The following MIS18A variants were observed in gnomAD, a reference collection of about 807,000 sequenced individuals.
MIS18A encodes protein Mis18-alpha.
In MIS18A, 14 loss-of-function variants were observed where a neutral mutation model predicts 25.0. The observed-to-expected ratio is 0.56, with a 90% CI of 0.37 to 0.88. The LOEUF is 0.88. MIS18A is among the 40% of genes least tolerant of loss of function. The pLI, the probability that MIS18A is intolerant of heterozygous loss-of-function variation, is 0.00. For missense variants in MIS18A, 292 were observed against 290.8 expected, an observed-to-expected ratio of 1.00 and a Z score of -0.03; for synonymous variants, 134 against 118.6, an observed-to-expected ratio of 1.13 and a Z score of -0.84.
the MIS18A span, among the ~76,000 whole-genome samples, chr21:32,174,210 G>A: frequency 4.6e-5 from 7 of 151,946 alleles, no homozygotes; most frequent in East Asian, 3.9e-4. Flanking sequence ...TGATCCGCCC[G>A]CCTCAGCCTC....
At chr21:32,213,526 C>T in the MIS18A span, among the ~76,000 whole-genome samples, 2 of 152,202 alleles carry the variant, frequency 1.3e-5, no homozygotes, top group East Asian at 1.9e-4. Context: ...AACTACAGTT[C>T]CTTCTAGGGA....
the MIS18A span, among the ~76,000 whole-genome samples, chr21:32,162,935 T>G: frequency 1.6e-4 from 25 of 152,246 alleles, no homozygotes; most frequent in South Asian, 5.2e-3. Context: ...CCAAGGACCT[T>G]AGAGTGAAGA....
chr21:32,182,510 A>G, the MIS18A span, among the ~76,000 whole-genome samples: 1 of 152,176 alleles, frequency 6.6e-6, no homozygotes, highest in Non-Finnish European at 1.5e-5. Context: ...TGCTCTGTAG[A>G]CAATATCCAT....
At chr21:32,178,324 T>C in the MIS18A span, among the ~76,000 whole-genome samples, 1 of 152,220 alleles carries the variant, frequency 6.6e-6, no homozygotes, top group African/African-American at 2.4e-5. Flanking sequence ...TAGAAGAAAT[T>C]AGACATTATT....
the MIS18A span, among the ~76,000 whole-genome samples, chr21:32,169,982 T>C: frequency 6.6e-6 from 1 of 151,832 alleles, no homozygotes; most frequent in Non-Finnish European, 1.5e-5. Flanking sequence ...TGAAAATAAA[T>C]AGGAAAATAT....
chr21:32,170,012 CA>C, the MIS18A span, among the ~76,000 whole-genome samples: 6,334 of 152,108 alleles, frequency 0.042, 428 homozygotes, highest in African/African-American at 0.14. Context: ...ATAGGAAAAA[CA>C]GTCAACAGAA....
At chr21:32,213,173 C>A in the MIS18A span, among the ~76,000 whole-genome samples, 1 of 152,100 alleles carries the variant, frequency 6.6e-6, no homozygotes, top group Non-Finnish European at 1.5e-5. Flanking sequence ...GGGGTTTAAT[C>A]CTGTAGATAG....
the MIS18A span, among the ~76,000 whole-genome samples, chr21:32,238,395 G>C: frequency 1.3e-5 from 2 of 152,132 alleles, no homozygotes; most frequent in African/African-American, 4.8e-5. Context: ...TTTAATGTGA[G>C]GCCTCCCCAT....
At chr21:32,231,842 G>A in the MIS18A span, among the ~76,000 whole-genome samples, 4 of 152,052 alleles carry the variant, frequency 2.6e-5, no homozygotes, top group Admixed American at 2.6e-4. Flanking sequence ...GAACTCAGGA[G>A]GCGGAGCTTG....
downstream of MIS18A, among the ~76,000 whole-genome samples, chr21:32,265,218 C>A (rs1482840677): frequency 6.6e-6 from 1 of 152,196 alleles, no homozygotes; most frequent in East Asian, 1.9e-4. Context: ...TGCCTGGGCT[C>A]CCACTTTGGT....
the MIS18A span, among the ~76,000 whole-genome samples, chr21:32,255,480 A>T: frequency 2.0e-5 from 3 of 151,094 alleles, no homozygotes; most frequent in Non-Finnish European, 4.4e-5. Flanking sequence ...TGATTTGCCC[A>T]CCTCGGCCTC....
the MIS18A span, among the ~76,000 whole-genome samples, chr21:32,230,559 T>C: frequency 3.3e-5 from 5 of 152,198 alleles, no homozygotes; most frequent in Non-Finnish European, 5.9e-5. Flanking sequence ...TCTGACTAAA[T>C]GGTCAGTTGT....
the MIS18A span, among the ~76,000 whole-genome samples, chr21:32,184,681 T>C: frequency 2.6e-5 from 4 of 152,166 alleles, no homozygotes; most frequent in Non-Finnish European, 4.4e-5. Flanking sequence ...ATGTCCCACT[T>C]GCACTTCATG....
At chr21:32,201,308 T>C in the MIS18A span, among the ~76,000 whole-genome samples, 4 of 151,290 alleles carry the variant, frequency 2.6e-5, no homozygotes, top group African/African-American at 9.7e-5. Context: ...AGAGGATAAA[T>C]AGAGGAACCA....
At chr21:32,221,180 C>T in the MIS18A span, among the ~76,000 whole-genome samples, 2 of 152,068 alleles carry the variant, frequency 1.3e-5, no homozygotes, top group African/African-American at 4.8e-5. Context: ...ACATAATCAA[C>T]AGATTCACCA....
At chr21:32,214,045 C>T in the MIS18A span, among the ~76,000 whole-genome samples, 1 of 152,164 alleles carries the variant, frequency 6.6e-6, no homozygotes, top group African/African-American at 2.4e-5. Context: ...TTCCATTTCC[C>T]CTGTCCCCTA....
the MIS18A span, among the ~76,000 whole-genome samples, chr21:32,213,971 T>C: frequency 6.6e-6 from 1 of 152,158 alleles, no homozygotes; most frequent in Non-Finnish European, 1.5e-5. Flanking sequence ...CTGAATATCT[T>C]TGGGGGTTCA....
the MIS18A span, among the ~76,000 whole-genome samples, chr21:32,231,995 AATC>A: frequency 6.6e-6 from 1 of 152,208 alleles, no homozygotes; most frequent in Admixed American, 6.5e-5. Flanking sequence ...AAGGAAATGA[AATC>A]AGCATCTTGT....
the MIS18A span, among the ~76,000 whole-genome samples, chr21:32,165,159 C>A: frequency 6.6e-6 from 1 of 152,096 alleles, no homozygotes; most frequent in Non-Finnish European, 1.5e-5. Flanking sequence ...CATGGAGAAA[C>A]CCTGTCTCTA....
Sources: allele counts gnomAD v4.1 joint callset (sites outside exome capture counted in the v4.1 genomes callset), GRCh38; gene constraint gnomAD v4.1.1; transcripts MANE v1.5; gene names NCBI Gene and HGNC (gene_info 2026-07-23, HGNC 2026-07-21).